Variants in SLAIN1 observed in about 807,000 individuals in gnomAD.
The protein encoded by SLAIN1 is SLAIN motif-containing protein 1.
SLAIN1 carries 17 observed loss-of-function variants against 55.4 expected under a neutral mutation model. That is an observed-to-expected ratio of 0.31 (90% confidence interval 0.21 to 0.46). The LOEUF is 0.46. Ranked by LOEUF, SLAIN1 falls within the 20% of genes least tolerant of loss-of-function variation. The pLI is 1.00. For synonymous variants in SLAIN1, 348 were observed against 337.4 expected, an observed-to-expected ratio of 1.03 and a Z score of -0.35; for missense variants, 682 against 785.1, an observed-to-expected ratio of 0.87 and a Z score of 1.57.
Position 77,761,071 on chromosome 13 carries a change from G to A in SLAIN1, c.1658G>A (p.Ser553Asn). ...AGACCTTCGTTGGCAATAAATGGGAGTAACCTGCCTCGAAGCAAAATTGCA... is the reference window on the plus strand; with the variant it reads ...AGACCTTCGTTGGCAATAAATGGGAATAACCTGCCTCGAAGCAAAATTGCA... ...LPRPSLAING[S>N]NLPRSKIAQP... The change falls in exon 6 of 7, where the codon AGT (serine) becomes AAT (asparagine). Residue 553 changes from serine to asparagine, a missense_variant. Around this residue, in one of 3 missense-constraint regions of SLAIN1, gnomAD observed 244 missense variants for 295.2 expected, o/e 0.83. Transcript: ENST00000418532. 1 of 1,614,204 alleles carries A rather than the reference G, an allele frequency of 6.2e-7. No individual in the cohort carries two copies. Among genetic ancestry groups the A allele is most frequent in the South Asian group, 1.1e-5 (1 of 91,082 alleles).
chr13:77,763,277 C>T lies in SLAIN1; in HGVS notation c.*57C>T. Reference sequence around the variant, plus strand: ...AGAAGTAAAAATGAGGGTTGTGTTACCTAGCTGGCTGGGTAGCAGTGGATG... The same window carrying T: ...AGAAGTAAAAATGAGGGTTGTGTTATCTAGCTGGCTGGGTAGCAGTGGATG... On this transcript the variant is annotated 3_prime_UTR_variant, in exon 7 of 7. Transcript: ENST00000418532. 7.2e-7 allele frequency: 1 copy of T among 1,391,862 alleles called. No individual in the cohort carries two copies. The highest frequency in any genetic ancestry group is 1.0e-6 in the Non-Finnish European group (1 of 980,364). The allele number at this position is 1,391,862 out of a possible 1,614,324, so 86.2% of individuals were successfully genotyped here.
rs762291430 is a variant in SLAIN1, at chr13:77,698,496, C to T, written c.583C>T (p.Leu195=). 5 of 1,460,988 alleles carry T rather than the reference C, an allele frequency of 3.4e-6. No homozygotes were observed. The South Asian group carries it at 6.6e-5, about 19-fold the overall frequency. 90.5% of individuals were successfully genotyped at this position (1,460,988 alleles called of 1,614,324 possible). The change falls in exon 1 of 7, where the codon CTG becomes TTG. Residue 195 remains leucine (L), a synonymous_variant. Coordinates refer to ENST00000418532, the MANE Select transcript of SLAIN1 (RefSeq NM_001242868.2). This position sits in a 1 kb window ranked among gnomAD's most constrained non-coding sequence, Gnocchi z 4.1. The part of the protein sequence containing the change: ...TLLDEVELLD[L]ESVAAWRDED... ...GCTGGACGAGGTGGAATTGCTGGAT[C>T]TGGAGAGCGTAGCCGCCTGGCGGGA...
intron 2 of SLAIN1, among the ~76,000 whole-genome samples, chr13:77,731,482 G>A (rs1872857988): frequency 5.3e-5 from 8 of 152,060 alleles, no homozygotes. Context: ...TTTTAACAGT[G>A]GGAAACGTAC....
At position 77,698,393 on chromosome 13, in the gene SLAIN1, C is replaced by A; in HGVS notation, c.480C>A (p.Gly160=). The A allele has an allele frequency of 2.8e-6, 4 of 1,412,332 alleles. No individual in the cohort carries two copies. The highest frequency in any genetic ancestry group is 1.5e-5 in the South Asian group (1 of 67,232). The allele number at this position is 1,412,332 out of a possible 1,614,324, so 87.5% of individuals were successfully genotyped here. A position where few individuals can be genotyped will look rare whatever the true frequency, so the allele number is the denominator to read the frequency against. ...CGGCAGCAGGCTTCTTCGGCGCGGGCGGTGGCGGGCCGGAGCCGGGGGGCG... is the reference window on the plus strand; with the variant it reads ...CGGCAGCAGGCTTCTTCGGCGCGGGAGGTGGCGGGCCGGAGCCGGGGGGCG... ...FKPAAGFFGA[G]GGGPEPGGAG... Residue 160 remains glycine, a synonymous_variant, in exon 1 of 7, where the codon GGC becomes GGA. Transcript: ENST00000418532. This position sits in a 1 kb window ranked among gnomAD's most constrained non-coding sequence, Gnocchi z 4.1.
chr13:77,703,856 T>A (rs1269258642), intron 1 of SLAIN1, among the ~76,000 whole-genome samples: 1 of 148,882 alleles, frequency 6.7e-6, no homozygotes, highest in Non-Finnish European at 1.5e-5. Flanking sequence ...TTACCACATA[T>A]TACTTTTCAG....
chr13:77,754,864 C>T (rs370201476), intron 5 of SLAIN1, among the ~76,000 whole-genome samples: 9 of 152,248 alleles, frequency 5.9e-5, no homozygotes, highest in African/African-American at 2.2e-4. Flanking sequence ...ATTGCCAGAA[C>T]ATAAGGAACT....
At chr13:77,751,315 T>C (rs1566245398) in intron 4 of SLAIN1, among the ~76,000 whole-genome samples, 1 of 152,196 alleles carries the variant, frequency 6.6e-6, no homozygotes, top group Non-Finnish European at 1.5e-5. Flanking sequence ...ATATTTATTT[T>C]ATTTGGGAAA....
At chr13:77,758,399 T>C (rs1167435675) in intron 5 of SLAIN1, among the ~76,000 whole-genome samples, 4 of 152,164 alleles carry the variant, frequency 2.6e-5, no homozygotes, top group Admixed American at 2.6e-4. Context: ...ACTGATTATT[T>C]ATTTTGGTGT....
chr13:77,720,640 T>TTATTCAGTGTAACTAAAG (rs1394511310), intron 2 of SLAIN1, among the ~76,000 whole-genome samples: 2 of 152,228 alleles, frequency 1.3e-5, no homozygotes, highest in Non-Finnish European at 2.9e-5. Flanking sequence ...TCAGTGTAAC[T>TTATTCAGTGTAACTAAAG]GAACTCATCT....
chr13:77,698,405 G>A lies in SLAIN1; in HGVS notation c.492G>A (p.Pro164=), dbSNP rs1245338015. ...TCTTCGGCGCGGGCGGTGGCGGGCCGGAGCCGGGGGGCGCGGGGACGCCGC... is the reference window on the plus strand; with the variant it reads ...TCTTCGGCGCGGGCGGTGGCGGGCCAGAGCCGGGGGGCGCGGGGACGCCGC... The part of the protein sequence containing the change: ...AGFFGAGGGG[P]EPGGAGTPPG... The change falls in exon 1 of 7, where the codon CCG becomes CCA. Residue 164 remains proline (P), a synonymous_variant. Coordinates refer to ENST00000418532, the MANE Select transcript of SLAIN1 (RefSeq NM_001242868.2). The surrounding 1 kb of genome is among the most constrained non-coding windows in gnomAD (Gnocchi z 4.1). 7.2e-7 allele frequency: 1 copy of A among 1,391,628 alleles called. No individual in the cohort carries two copies. Among genetic ancestry groups the A allele is most frequent in the Non-Finnish European group, 9.3e-7 (1 of 1,077,994 alleles). The allele number at this position is 1,391,628 out of a possible 1,614,324, so 86.2% of individuals were successfully genotyped here. A position where few individuals can be genotyped will look rare whatever the true frequency, so the allele number is the denominator to read the frequency against.
At chr13:77,715,857 T>C (rs1221893500) in intron 1 of SLAIN1, among the ~76,000 whole-genome samples, 1 of 152,168 alleles carries the variant, frequency 6.6e-6, no homozygotes, top group Non-Finnish European at 1.5e-5. Flanking sequence ...TCTTTCCCAA[T>C]CTGTGGTTTA....
In SLAIN1 at chr13:77,698,446, C is replaced by T. The variant is rs768940437; in HGVS notation, c.533C>T (p.Ala178Val). The T allele has an allele frequency of 2.1e-6, 3 of 1,436,958 alleles. No homozygotes were observed. In the South Asian group the frequency reaches 4.2e-5, roughly 20 times the overall value. The allele number at this position is 1,436,958 out of a possible 1,614,324, so 89.0% of individuals were successfully genotyped here. ...GGGACGCCGCCAGGGGCAGCTGCAG[C>T]GCCGCCCTCGCCGCCCCCCACGCTG... ...GAGTPPGAAA[A>V]PPSPPPTLLD... Residue 178 changes from alanine (A) to valine (V), a missense_variant, in exon 1 of 7, where the codon GCG (alanine) becomes GTG (valine). Transcript: ENST00000418532. This position sits in a 1 kb window ranked among gnomAD's most constrained non-coding sequence, Gnocchi z 4.1.
chr13:77,698,603 G>A lies in SLAIN1; in HGVS notation c.626+64G>A, dbSNP rs1466710942. ...TCGGGGGCTTCGGGCACCGGGGAGC[G>A]GGGGCGGGGGGCGGACGGGGGTCCC... is the stretch of plus-strand genomic sequence containing the variant. On this transcript the variant is annotated intron_variant, in intron 1 of 6. Transcript: ENST00000418532. The surrounding 1 kb of genome is among the most constrained non-coding windows in gnomAD (Gnocchi z 4.1). 19 of 1,335,772 alleles carry A rather than the reference G, an allele frequency of 1.4e-5. No homozygotes were observed. The highest frequency in any genetic ancestry group is 1.0e-4 in the South Asian group (5 of 49,262). 82.7% of individuals were successfully genotyped at this position (1,335,772 alleles called of 1,614,324 possible). A position where few individuals can be genotyped will look rare whatever the true frequency, so the allele number is the denominator to read the frequency against.
intron 2 of SLAIN1, among the ~76,000 whole-genome samples, chr13:77,721,783 C>T (rs527445350): frequency 1.7e-4 from 25 of 150,706 alleles, no homozygotes; most frequent in Non-Finnish European, 3.1e-4. Flanking sequence ...TTTCACGTGT[C>T]ACAAAATGTA....
At chr13:77,744,579 A>T (rs1873690204) in intron 3 of SLAIN1, 147 bp downstream of exon 3, 14 of 1,237,556 alleles carry the variant, frequency 1.1e-5, no homozygotes, top group Middle Eastern at 2.3e-4. Context: ...GGAGCCAGTT[A>T]TATGCTTCTC....
chr13:77,702,037 G>T lies in SLAIN1; in HGVS notation c.626+3498G>T, dbSNP rs369238956. 1.2e-4 allele frequency among the ~76,000 whole-genome samples: 17 copies of T among 147,534 alleles called. No individual in the cohort carries two copies. The East Asian group carries it at 3.2e-3, about 28-fold the overall frequency. ...GCGGTGTTTGGTTTTTTGTTCTTGC[G>T]ATAGTTTACTGAGAATGATGATTTC... On this transcript the variant is annotated intron_variant, in intron 1 of 6. Transcript: ENST00000418532.
intron 5 of SLAIN1, among the ~76,000 whole-genome samples, chr13:77,756,657 A>C (rs1874631021): frequency 6.6e-6 from 1 of 152,156 alleles, no homozygotes; most frequent in South Asian, 2.1e-4. Flanking sequence ...TAAAACCCCA[A>C]ATTAGAAATA....
At chr13:77,742,601 A>G (rs1184059249) in intron 2 of SLAIN1, 1 of 152,180 alleles carries the variant, frequency 6.6e-6, no homozygotes, top group Admixed American at 6.6e-5. Context: ...AGTTAATATT[A>G]AGAACATTTC....
At chr13:77,758,872 C>T (rs1402321559) in intron 5 of SLAIN1, among the ~76,000 whole-genome samples, 1 of 151,902 alleles carries the variant, frequency 6.6e-6, no homozygotes, top group Non-Finnish European at 1.5e-5. Context: ...TACCTCTAGA[C>T]TTGTTCTTTT....
Sources: allele counts gnomAD v4.1 joint callset (sites outside exome capture counted in the v4.1 genomes callset), GRCh38; gene constraint gnomAD v4.1.1; regional missense constraint gnomAD v4.1.1; non-coding constraint Gnocchi (gnomAD v3.1); transcripts MANE v1.5; gene names NCBI Gene and HGNC (gene_info 2026-07-23, HGNC 2026-07-21).